The following GALNT13 variants were observed in gnomAD, a reference collection of about 807,000 sequenced individuals.
The protein encoded by GALNT13 is UDP-GalNAc:polypeptide N-acetylgalactosaminyltransferase 13.
A neutral mutation model predicts 64.2 loss-of-function variants in GALNT13; 28 were observed. The ratio of observed to expected loss-of-function variants is 0.44; its 90% confidence interval spans 0.32 to 0.60. The LOEUF (loss-of-function observed/expected upper bound fraction) is 0.60, where lower values mean the gene tolerates loss of function less well. Among genes scored for constraint, GALNT13 ranks in the 20% least tolerant of loss-of-function variants. GALNT13 has a pLI of 0.05. For missense variants in GALNT13, 577 were observed against 669.8 expected (o/e 0.86, Z 1.53); for synonymous variants, 214 against 224.6 (o/e 0.95, Z 0.42).
intron 3 of GALNT13, among the ~76,000 whole-genome samples, chr2:154,024,694 G>A (rs919385761): frequency 4.6e-5 from 7 of 152,050 alleles, no homozygotes; most frequent in African/African-American, 7.2e-5. Flanking sequence ...CTCTCAGCTT[G>A]TCAAACTCAT....
At chr2:153,353,047 C>A in the GALNT13 span, among the ~76,000 whole-genome samples, 1 of 152,020 alleles carries the variant, frequency 6.6e-6, no homozygotes, top group Non-Finnish European at 1.5e-5. Flanking sequence ...TTAGGAAGAA[C>A]TGACATCTTG....
the GALNT13 span, among the ~76,000 whole-genome samples, chr2:153,583,372 C>A: frequency 6.6e-6 from 1 of 152,186 alleles, no homozygotes; most frequent in Non-Finnish European, 1.5e-5. Flanking sequence ...GATACGTTAT[C>A]CACTTAGAAG....
the GALNT13 span, among the ~76,000 whole-genome samples, chr2:153,615,505 G>T: frequency 2.0e-5 from 3 of 151,974 alleles, no homozygotes; most frequent in Non-Finnish European, 4.4e-5. Flanking sequence ...ATGTACAAGG[G>T]TTGTCTTTTC....
At chr2:153,646,060 C>T in the GALNT13 span, among the ~76,000 whole-genome samples, 1 of 151,870 alleles carries the variant, frequency 6.6e-6, no homozygotes, top group South Asian at 2.1e-4. Flanking sequence ...TGTAATAATG[C>T]CAAAGATGGA....
intron 3 of GALNT13, among the ~76,000 whole-genome samples, chr2:154,079,976 G>C (rs1190253152): frequency 1.3e-5 from 2 of 151,454 alleles, no homozygotes; most frequent in Non-Finnish European, 1.5e-5. Context: ...TTGAAGTTGA[G>C]TATATTTGGG....
intron 4 of GALNT13, among the ~76,000 whole-genome samples, chr2:154,170,649 GAAT>G (rs1032771773): frequency 1.3e-5 from 2 of 151,924 alleles, no homozygotes; most frequent in African/African-American, 4.8e-5. Context: ...TGAAACCTGG[GAAT>G]AATAATAATA....
intron 1 of GALNT13, among the ~76,000 whole-genome samples, chr2:153,894,437 C>G (rs1311350344): frequency 6.6e-6 from 1 of 151,956 alleles, no homozygotes; most frequent in Non-Finnish European, 1.5e-5. Flanking sequence ...TGGTTGTGTA[C>G]AAATCAGGGG....
chr2:153,754,596 C>T, the GALNT13 span, among the ~76,000 whole-genome samples: 2 of 152,098 alleles, frequency 1.3e-5, no homozygotes, highest in South Asian at 2.1e-4. Context: ...CTGCTCTGCT[C>T]AAGTAGTAGG....
chr2:153,958,024 C>T (rs1048861138), intron 3 of GALNT13, among the ~76,000 whole-genome samples: 3 of 152,196 alleles, frequency 2.0e-5, no homozygotes, highest in African/African-American at 7.2e-5. Context: ...TAAGTATTCC[C>T]TCACTTCCGT....
At chr2:153,891,175 G>T (rs1687529173) in intron 1 of GALNT13, among the ~76,000 whole-genome samples, 1 of 151,996 alleles carries the variant, frequency 6.6e-6, no homozygotes, top group South Asian at 2.1e-4. Context: ...CATGCATTTA[G>T]CTACATGCAT....
the GALNT13 span, among the ~76,000 whole-genome samples, chr2:153,795,943 A>T: frequency 6.6e-6 from 1 of 152,198 alleles, no homozygotes; most frequent in Non-Finnish European, 1.5e-5. Context: ...GAATTAGTAC[A>T]TGCTCTTTCC....
chr2:153,810,257 CA>C, the GALNT13 span, among the ~76,000 whole-genome samples: 1 of 152,156 alleles, frequency 6.6e-6, no homozygotes, highest in South Asian at 2.1e-4. Context: ...GCCATGGCTC[CA>C]GGCCAACATT....
the GALNT13 span, among the ~76,000 whole-genome samples, chr2:153,559,261 T>G: frequency 4.6e-5 from 7 of 152,202 alleles, no homozygotes; most frequent in Admixed American, 6.5e-5. Context: ...TGTAGTTGAT[T>G]TGAATACGGA....
At chr2:154,024,946 G>T (rs1217127210) in intron 3 of GALNT13, among the ~76,000 whole-genome samples, 1 of 152,146 alleles carries the variant, frequency 6.6e-6, no homozygotes, top group Non-Finnish European at 1.5e-5. Flanking sequence ...GTTGGAGTTT[G>T]CTAGAGGTCC....
At chr2:153,205,402 T>C in the GALNT13 span, among the ~76,000 whole-genome samples, 2 of 152,050 alleles carry the variant, frequency 1.3e-5, no homozygotes, top group Non-Finnish European at 2.9e-5. Flanking sequence ...AGATAGTCGG[T>C]TTTTTAAACC....
At chr2:153,608,979 A>G in the GALNT13 span, among the ~76,000 whole-genome samples, 1 of 146,504 alleles carries the variant, frequency 6.8e-6, no homozygotes, top group African/African-American at 2.5e-5. Context: ...TGCAGTGGCG[A>G]AATCTTGTCT....
chr2:153,182,760 A>G, the GALNT13 span, among the ~76,000 whole-genome samples: 1 of 152,246 alleles, frequency 6.6e-6, no homozygotes, highest in East Asian at 1.9e-4. Flanking sequence ...ATGGCTTCCA[A>G]TTCCATCCAT....
At chr2:153,524,392 A>G in the GALNT13 span, among the ~76,000 whole-genome samples, 1 of 150,398 alleles carries the variant, frequency 6.6e-6, no homozygotes, top group Non-Finnish European at 1.5e-5. Flanking sequence ...CCCTGCAAGG[A>G]CACCAATTTA....
intron 3 of GALNT13, among the ~76,000 whole-genome samples, chr2:153,979,247 A>T (rs1324775216): frequency 3.3e-5 from 5 of 152,052 alleles, no homozygotes; most frequent in Non-Finnish European, 7.4e-5. Flanking sequence ...TACTTTGAGG[A>T]TGGTTGTTTT....
Sources: allele counts gnomAD v4.1 joint callset (sites outside exome capture counted in the v4.1 genomes callset), GRCh38; gene constraint gnomAD v4.1.1; transcripts MANE v1.5; gene names NCBI Gene and HGNC (gene_info 2026-07-23, HGNC 2026-07-21).